Variants in IKBIP observed in about 807,000 individuals in gnomAD.
IKBIP encodes IKBKB interacting protein, also known as inhibitor of nuclear factor kappa-B kinase-interacting protein.
In IKBIP, 28 loss-of-function variants were observed where a neutral mutation model predicts 31.0. The observed-to-expected ratio is 0.90, with a 90% CI of 0.67 to 1.24. The LOEUF (loss-of-function observed/expected upper bound fraction) is 1.24. Among genes scored for constraint, IKBIP ranks in the 50% most tolerant of loss-of-function variants. The pLI is 0.00. For missense variants in IKBIP, 453 were observed against 441.9 expected (o/e 1.03, Z -0.23); for synonymous variants, 164 against 160.3 (o/e 1.02, Z -0.17).
intron 1 of IKBIP, among the ~76,000 whole-genome samples, chr12:98,637,818 A>T (rs1460921604): frequency 6.6e-6 from 1 of 152,122 alleles, no homozygotes; most frequent in African/African-American, 2.4e-5. Context: ...TCAAGTGATT[A>T]CAGGCGTGAG....
chr12:98,644,550 G>T lies in IKBIP; in HGVS notation c.152C>A (p.Ser51Ter). 6.2e-7 allele frequency: 1 copy of T among 1,606,446 alleles called. No homozygotes were observed. The highest frequency in any genetic ancestry group is 8.5e-7 in the Non-Finnish European group (1 of 1,177,166). Residue 51 changes from serine to a stop codon, truncating the protein, a stop_gained, in exon 1 of 3, where the codon TCG (serine) becomes TAG (stop). Transcript: ENST00000299157. LOFTEE classifies it high-confidence loss of function. The part of the protein sequence containing the change: ...ADPRTCLSLL[S>*]LGTCLGLAWF... ...GGCCAGGCCCAGGCACGTCCCCAGC[G>T]ACAGCAGGCTCAGGCACGTTCGGGG...
chr12:98,641,911 T>G (rs1313298993), intron 1 of IKBIP, among the ~76,000 whole-genome samples: 1 of 152,206 alleles, frequency 6.6e-6, no homozygotes, highest in African/African-American at 2.4e-5. Flanking sequence ...CGCCTCAGTT[T>G]CCCAAAGTGT....
At chr12:98,616,320 T>C (rs2097606265) in intron 2 of IKBIP, among the ~76,000 whole-genome samples, 2 of 152,072 alleles carry the variant, frequency 1.3e-5, no homozygotes, top group South Asian at 4.2e-4. Flanking sequence ...TTCATGTCCA[T>C]AGCCCATTGT....
intron 1 of IKBIP, among the ~76,000 whole-genome samples, chr12:98,637,667 A>G (rs964652322): frequency 6.6e-6 from 1 of 152,068 alleles, no homozygotes; most frequent in Middle Eastern, 3.2e-3. Context: ...TCAGCCTCCC[A>G]AAGTGCTGGG....
intron 2 of IKBIP, among the ~76,000 whole-genome samples, chr12:98,616,105 C>CT (rs2097606136): frequency 6.6e-6 from 1 of 151,894 alleles, no homozygotes. Flanking sequence ...TACTTTCCCA[C>CT]TCACAGTGTA....
chr12:98,633,491 C>T (rs1190211703), intron 2 of IKBIP, among the ~76,000 whole-genome samples: 3 of 137,384 alleles, frequency 2.2e-5, no homozygotes, highest in African/African-American at 5.2e-5. Context: ...TTAGGCTAGC[C>T]GTTCTTTTTT....
chr12:98,632,289 C>T, intron 2 of IKBIP, among the ~76,000 whole-genome samples: 1 of 150,704 alleles, frequency 6.6e-6, no homozygotes. Flanking sequence ...GGCAATGTAG[C>T]AAGACCCCGT....
chr12:98,638,154 G>T (rs1325950298), intron 1 of IKBIP, among the ~76,000 whole-genome samples: 1 of 152,170 alleles, frequency 6.6e-6, no homozygotes, highest in Non-Finnish European at 1.5e-5. Flanking sequence ...ATATCGAATG[G>T]AGGCAACGAA....
chr12:98,621,624 G>C (rs1225690975), downstream of IKBIP, among the ~76,000 whole-genome samples: 3 of 152,144 alleles, frequency 2.0e-5, no homozygotes, highest in Non-Finnish European at 2.9e-5. Context: ...CTCTGGAATT[G>C]AACAGACCTA....
chr12:98,630,736 T>C (rs993235071), intron 2 of IKBIP, among the ~76,000 whole-genome samples: 2 of 152,114 alleles, frequency 1.3e-5, no homozygotes, highest in African/African-American at 4.8e-5. Context: ...AATGATGAAA[T>C]AGAGATGAAG....
rs1565838887 is a variant in IKBIP at position 98,624,344 on chromosome 12, T to C, written c.*1586A>G. On this transcript the variant is annotated 3_prime_UTR_variant, in exon 3 of 3. Transcript: ENST00000299157. ...TAAGAGACATTCAGAAGTCAAGAAG[T>C]GTAATTTTAAGACTGCAAAAATTAA... 2.0e-6 allele frequency: 2 copies of C among 983,910 alleles called. No homozygotes were observed. The highest frequency in any genetic ancestry group is 2.4e-6 in the Non-Finnish European group (2 of 828,664). 60.9% of individuals were successfully genotyped at this position (983,910 alleles called of 1,614,324 possible). A position where few individuals can be genotyped will look rare whatever the true frequency, so the allele number is the denominator to read the frequency against.
chr12:98,641,358 C>T (rs921439023), intron 1 of IKBIP, among the ~76,000 whole-genome samples: 3 of 152,074 alleles, frequency 2.0e-5, no homozygotes, highest in East Asian at 1.9e-4. Flanking sequence ...TTTGATAGAC[C>T]GACTTTTAGA....
chr12:98,634,689 T>G (rs1336276510), intron 1 of IKBIP, among the ~76,000 whole-genome samples: 1 of 151,640 alleles, frequency 6.6e-6, no homozygotes, highest in Non-Finnish European at 1.5e-5. Context: ...TCTCGCTATG[T>G]TGCCAAAGGT....
rs1366323044 is a variant in IKBIP, at chr12:98,626,304, C to T, written c.760G>A (p.Asp254Asn). Reference sequence around the variant, plus strand: ...TAGTCGGAAAGTTTATTAGTCAGATCTTCATCTCTGGCAAAGAGGGCATGC... The same window carrying T: ...TAGTCGGAAAGTTTATTAGTCAGATTTTCATCTCTGGCAAAGAGGGCATGC... ...EQHALFARDE[D>N]LTNKLSDYEP... The change falls in exon 3 of 3, where the codon GAT becomes AAT. Residue 254 changes from aspartate to asparagine, a missense_variant. Asp to Asn is a conservative substitution (Grantham distance 23, BLOSUM62 1). Coordinates refer to ENST00000299157, the MANE Select transcript of IKBIP (RefSeq NM_153687.4). The T allele has an allele frequency of 6.2e-7, 1 of 1,614,108 alleles. No homozygotes were observed. The highest frequency in any genetic ancestry group is 2.2e-5 in the East Asian group (1 of 44,872).
chr12:98,615,421 G>T (rs1278127118), intron 2 of IKBIP, among the ~76,000 whole-genome samples: 3 of 152,026 alleles, frequency 2.0e-5, no homozygotes, highest in Non-Finnish European at 4.4e-5. Flanking sequence ...TAGTGACAGG[G>T]TTTCACCATG....
chr12:98,641,974 T>G lies in IKBIP; in HGVS notation c.179+2549A>C, dbSNP rs549062154. Among the ~76,000 whole-genome samples, 17 of 152,326 alleles carry G rather than the reference T, an allele frequency of 1.1e-4. No individual in the cohort carries two copies. The South Asian group carries it at 3.3e-3, about 30-fold the overall frequency. ...CTGGCCCCCAAAATTATTTTTGATA[T>G]AGCATTGTGTTATCATTTTGCAAAC... On this transcript the variant is annotated intron_variant, in intron 1 of 2. Transcript: ENST00000299157.
At chr12:98,638,086 A>C (rs990999529) in intron 1 of IKBIP, among the ~76,000 whole-genome samples, 10 of 151,514 alleles carry the variant, frequency 6.6e-5, no homozygotes, top group African/African-American at 1.2e-4. Context: ...AAGAACTATA[A>C]GTAATTCTGG....
Position 98,626,180 on chromosome 12 carries a change from T to A in IKBIP, c.884A>T (p.Lys295Met). Residue 295 changes from lysine to methionine, a missense_variant, in exon 3 of 3, where the codon AAG becomes ATG. Transcript: ENST00000299157. Reference sequence around the variant, plus strand: ...CTGCATAGTCAAGTCTTCCATTTTCTTTTCTGTTTCTATCAGATCCTGAGA... The same window carrying A: ...CTGCATAGTCAAGTCTTCCATTTTCATTTCTGTTTCTATCAGATCCTGAGA... ...RVSQDLIETE[K>M]KMEDLTMQMF... 6.2e-7 allele frequency: 1 copy of A among 1,613,802 alleles called. No individual in the cohort carries two copies. Among genetic ancestry groups the A allele is most frequent in the Non-Finnish European group, 8.5e-7 (1 of 1,179,784 alleles).
chr12:98,634,911 G>A (rs2153299884), intron 1 of IKBIP, among the ~76,000 whole-genome samples: 1 of 151,230 alleles, frequency 6.6e-6, no homozygotes, highest in Admixed American at 6.6e-5. Context: ...GGGTTTCACT[G>A]TGTTAGCCAG....
Sources: gnomAD v4.1 joint callset for allele counts (sites outside exome capture counted in the v4.1 genomes callset) on GRCh38, gnomAD v4.1.1 for gene constraint, MANE v1.5 for transcripts, NCBI Gene and HGNC (gene_info 2026-07-23, HGNC 2026-07-21) for gene names.